The following SUCLG2 variants were observed in gnomAD, a reference collection of about 807,000 sequenced individuals.
SUCLG2 encodes succinate--CoA ligase [GDP-forming] subunit beta, mitochondrial.
SUCLG2 carries 42 observed loss-of-function variants against 47.9 expected under a neutral mutation model. The ratio of observed to expected loss-of-function variants is 0.88; its 90% CI spans 0.69 to 1.14. The LOEUF is 1.14. Among genes scored for constraint, SUCLG2 ranks in the 50% most tolerant of loss-of-function variants. The pLI, the probability that SUCLG2 is intolerant of heterozygous loss-of-function variation, is 0.00. For synonymous variants in SUCLG2, 195 were observed against 197.3 expected, an observed-to-expected ratio of 0.99 and a Z score of 0.10; for missense variants, 571 against 525.9, an observed-to-expected ratio of 1.09 and a Z score of -0.84.
intron 10 of SUCLG2, among the ~76,000 whole-genome samples, chr3:67,385,841 T>C (rs1276845497): frequency 1.3e-5 from 2 of 152,204 alleles, no homozygotes; most frequent in Admixed American, 6.5e-5. Flanking sequence ...GTTGGGCCTC[T>C]TCAAAGACCC....
intron 1 of SUCLG2, among the ~76,000 whole-genome samples, chr3:67,653,543 C>T (rs2107392923): frequency 6.6e-6 from 1 of 152,296 alleles, no homozygotes; most frequent in Admixed American, 6.5e-5. Flanking sequence ...AAAAACTATA[C>T]TATGCACATC....
chr3:67,533,812 TG>T (rs1056330235), intron 2 of SUCLG2, among the ~76,000 whole-genome samples: 38 of 152,270 alleles, frequency 2.5e-4, no homozygotes, highest in African/African-American at 8.9e-4. Context: ...ACTGGGTCAA[TG>T]GGAATAAGAT....
At chr3:67,470,778 C>T (rs1001821198) in intron 9 of SUCLG2, among the ~76,000 whole-genome samples, 2 of 152,198 alleles carry the variant, frequency 1.3e-5, no homozygotes, top group African/African-American at 2.4e-5. Context: ...ACAGTCTGTG[C>T]TATTTTGTTA....
intron 9 of SUCLG2, among the ~76,000 whole-genome samples, chr3:67,456,854 A>C (rs556148469): frequency 6.4e-4 from 98 of 152,134 alleles, no homozygotes; most frequent in African/African-American, 2.4e-3. Flanking sequence ...GTTTAGGGGG[A>C]AAATATTAAA....
chr3:67,637,732 T>C (rs1236844124), intron 1 of SUCLG2, among the ~76,000 whole-genome samples: 2 of 152,198 alleles, frequency 1.3e-5, no homozygotes, highest in African/African-American at 4.8e-5. Context: ...CTGCCTTTCT[T>C]TTTTGGAGAG....
intron 1 of SUCLG2, among the ~76,000 whole-genome samples, chr3:67,644,765 A>G (rs1395598750): frequency 1.3e-5 from 2 of 152,094 alleles, no homozygotes; most frequent in African/African-American, 2.4e-5. Flanking sequence ...GGAAATCAAA[A>G]ACAAGGTTTC....
At chr3:67,494,797 C>T (rs950386675) in intron 9 of SUCLG2, among the ~76,000 whole-genome samples, 1 of 152,192 alleles carries the variant, frequency 6.6e-6, no homozygotes, top group African/African-American at 2.4e-5. Flanking sequence ...TTATAGTCAA[C>T]TGAGTATCTA....
At chr3:67,542,062 C>T (rs770694762) in intron 2 of SUCLG2, among the ~76,000 whole-genome samples, 4 of 151,796 alleles carry the variant, frequency 2.6e-5, no homozygotes, top group South Asian at 4.2e-4. Flanking sequence ...TTAGTAGAGA[C>T]GGGGTTTCTC....
At chr3:67,386,705 A>G (rs1702268220) in intron 10 of SUCLG2, among the ~76,000 whole-genome samples, 1 of 152,192 alleles carries the variant, frequency 6.6e-6, no homozygotes, top group South Asian at 2.1e-4. Flanking sequence ...ACCATGATTC[A>G]ATTATCTTCC....
chr3:67,565,892 T>G (rs1048349143), intron 2 of SUCLG2, among the ~76,000 whole-genome samples: 1 of 152,254 alleles, frequency 6.6e-6, no homozygotes, highest in Non-Finnish European at 1.5e-5. Flanking sequence ...ACAAGGCAGA[T>G]TCACTGCTCA....
chr3:67,537,771 C>T lies in SUCLG2; in HGVS notation c.227-8585G>A, dbSNP rs143024315. On this transcript the variant is annotated intron_variant, in intron 2 of 10. Coordinates refer to ENST00000307227, the MANE Select transcript of SUCLG2 (RefSeq NM_003848.4). ...TTTTAATGGTTGCCATTCTAACTGGCGTGAGATGATATCTCATTGTGGTTT... is the reference window on the plus strand; with the variant it reads ...TTTTAATGGTTGCCATTCTAACTGGTGTGAGATGATATCTCATTGTGGTTT... Among the ~76,000 whole-genome samples, 386 of 152,222 alleles carry T rather than the reference C, an allele frequency of 2.5e-3. 4 individuals are homozygous for T. The highest frequency in any genetic ancestry group is 8.4e-3 in the African/African-American group (350 of 41,554).
At chr3:67,592,141 C>T (rs923443192) in intron 2 of SUCLG2, among the ~76,000 whole-genome samples, 4 of 152,082 alleles carry the variant, frequency 2.6e-5, no homozygotes, top group African/African-American at 7.2e-5. Context: ...GAAGCTTGCC[C>T]AAGATCTCAT....
At chr3:67,411,579 A>C (rs965073211) in intron 9 of SUCLG2, among the ~76,000 whole-genome samples, 1 of 152,156 alleles carries the variant, frequency 6.6e-6, no homozygotes, top group Non-Finnish European at 1.5e-5. Flanking sequence ...TTTATATTAA[A>C]ATTATTTTAA....
At chr3:67,383,082 G>A (rs1412557666) in intron 10 of SUCLG2, among the ~76,000 whole-genome samples, 2 of 152,168 alleles carry the variant, frequency 1.3e-5, no homozygotes, top group Non-Finnish European at 1.5e-5. Context: ...TGCTATGTCA[G>A]CAGCTCTTAT....
At chr3:67,616,199 T>A (rs924965719) in intron 1 of SUCLG2, among the ~76,000 whole-genome samples, 1 of 152,170 alleles carries the variant, frequency 6.6e-6, no homozygotes. Context: ...CTGACCCACA[T>A]GTGCATGACT....
intron 9 of SUCLG2, among the ~76,000 whole-genome samples, chr3:67,432,113 T>C (rs1369923331): frequency 6.6e-6 from 1 of 152,158 alleles, no homozygotes; most frequent in East Asian, 1.9e-4. Context: ...TAGCAGGCAC[T>C]AGATTTAACA....
At chr3:67,412,399 C>T (rs1167372138) in intron 9 of SUCLG2, among the ~76,000 whole-genome samples, 2 of 152,138 alleles carry the variant, frequency 1.3e-5, no homozygotes, top group Non-Finnish European at 2.9e-5. Flanking sequence ...ACATGTTAAA[C>T]AGACTATGAA....
chr3:67,489,347 A>G (rs1225089717), intron 9 of SUCLG2, among the ~76,000 whole-genome samples: 1 of 152,192 alleles, frequency 6.6e-6, no homozygotes, highest in East Asian at 1.9e-4. Flanking sequence ...AGAGTGGTAG[A>G]TGGTTTTCCA....
intron 9 of SUCLG2, among the ~76,000 whole-genome samples, chr3:67,411,014 T>C (rs1320072137): frequency 6.6e-6 from 1 of 152,192 alleles, no homozygotes; most frequent in African/African-American, 2.4e-5. Flanking sequence ...TAAATACGTA[T>C]ACTCCATCAT....
Sources: allele counts gnomAD v4.1 joint callset (sites outside exome capture counted in the v4.1 genomes callset), GRCh38; gene constraint gnomAD v4.1.1; transcripts MANE v1.5; gene names NCBI Gene and HGNC (gene_info 2026-07-23, HGNC 2026-07-21).